EYA2: variants seen among roughly 807,000 people sequenced by gnomAD.
EYA2 encodes EYA transcriptional coactivator and phosphatase 2, also known as protein phosphatase EYA2.
Under a neutral mutation model 69.2 loss-of-function variants are expected in EYA2, and 31 were observed. The ratio of observed to expected loss-of-function variants is 0.45; its 90% CI spans 0.34 to 0.60. The LOEUF is 0.60. EYA2 is among the 20% of genes least tolerant of loss of function. The probability of loss-of-function intolerance (pLI) is 0.02; values close to 1 mark genes in which losing one functional copy is unlikely to be tolerated. For synonymous variants in EYA2, 257 were observed against 279.4 expected, an observed-to-expected ratio of 0.92 and a Z score of 0.80; for missense variants, 622 against 701.2, an observed-to-expected ratio of 0.89 and a Z score of 1.28.
chr20:46,911,905 C>T (rs1426665609), intron 1 of EYA2, among the ~76,000 whole-genome samples: 1 of 152,018 alleles, frequency 6.6e-6, no homozygotes, highest in African/African-American at 2.4e-5. Flanking sequence ...ACAATATGTT[C>T]TATATCAAAA....
chr20:46,998,604 G>C (rs1016220257), intron 2 of EYA2: 3 of 152,202 alleles, frequency 2.0e-5, no homozygotes, highest in African/African-American at 7.2e-5. Flanking sequence ...CCCATCCAAG[G>C]CTCCCAGAGG....
intron 5 of EYA2, among the ~76,000 whole-genome samples, chr20:47,037,923 G>A (rs927581557): frequency 6.6e-5 from 10 of 152,200 alleles, no homozygotes; most frequent in Admixed American, 2.0e-4. Context: ...GTGGGTAGGG[G>A]CATTTGTTCT....
chr20:47,051,070 C>T (rs2030305102), intron 5 of EYA2, among the ~76,000 whole-genome samples: 1 of 152,364 alleles, frequency 6.6e-6, no homozygotes, highest in Middle Eastern at 3.4e-3. Context: ...TATAACATGG[C>T]TTTTTGGACA....
intron 1 of EYA2, among the ~76,000 whole-genome samples, chr20:46,957,576 C>A (rs1048998902): frequency 7.0e-4 from 13 of 18,658 alleles, no homozygotes; most frequent in Non-Finnish European, 2.2e-3. Context: ...CACACACACA[C>A]ACGAAGACAA....
At chr20:47,077,775 G>A (rs755326448) in intron 7 of EYA2, among the ~76,000 whole-genome samples, 1 of 152,188 alleles carries the variant, frequency 6.6e-6, no homozygotes, top group Non-Finnish European at 1.5e-5. Context: ...ATGATGCATA[G>A]TACCTATTTA....
intron 10 of EYA2, among the ~76,000 whole-genome samples, chr20:47,153,552 G>A (rs952463512): frequency 2.6e-5 from 4 of 151,934 alleles, no homozygotes; most frequent in African/African-American, 7.2e-5. Context: ...CTACTTGGGA[G>A]GCTGAGGTAG....
intron 1 of EYA2, among the ~76,000 whole-genome samples, chr20:46,929,400 C>A (rs1985566257): frequency 8.0e-6 from 1 of 125,264 alleles, no homozygotes. Flanking sequence ...GGAGAAAAAG[C>A]TTGTGGACTG....
At chr20:47,006,660 A>G (rs1982734462) in intron 4 of EYA2, among the ~76,000 whole-genome samples, 1 of 152,098 alleles carries the variant, frequency 6.6e-6, no homozygotes, top group African/African-American at 2.4e-5. Flanking sequence ...ACATTGAGTC[A>G]TGTGTGGGGC....
At chr20:46,904,568 G>A (rs1025838570) in intron 1 of EYA2, among the ~76,000 whole-genome samples, 2 of 152,048 alleles carry the variant, frequency 1.3e-5, no homozygotes, top group African/African-American at 4.8e-5. Flanking sequence ...TGAAATGCAT[G>A]TTTCCCCTAA....
intron 5 of EYA2, among the ~76,000 whole-genome samples, chr20:47,034,744 G>T (rs978918730): frequency 2.0e-5 from 3 of 152,210 alleles, no homozygotes; most frequent in Non-Finnish European, 2.9e-5. Context: ...TAAGTTTATT[G>T]TCTCACAGTT....
intron 1 of EYA2, among the ~76,000 whole-genome samples, chr20:46,905,703 G>A (rs1353206064): frequency 6.6e-6 from 1 of 152,176 alleles, no homozygotes; most frequent in Non-Finnish European, 1.5e-5. Context: ...AGAGGGTATG[G>A]GGTCCCCTCT....
chr20:46,990,616 A>G lies in EYA2; in HGVS notation c.109+497A>G, dbSNP rs1981594795. On this transcript the variant is annotated intron_variant, in intron 2 of 15. Transcript: ENST00000327619. ...AAGAATTAAAGTTGTTTAAAAAACT[A>G]TTGGCAAATGATGCAGTCGAACTAG... is the stretch of plus-strand genomic sequence containing the variant. 3.3e-5 allele frequency among the ~76,000 whole-genome samples: 5 copies of G among 152,366 alleles called. No homozygotes were observed. In the South Asian group the frequency reaches 8.3e-4, roughly 25 times the overall value.
chr20:47,065,956 G>A (rs1350270424), intron 5 of EYA2, among the ~76,000 whole-genome samples: 2 of 152,190 alleles, frequency 1.3e-5, no homozygotes, highest in Admixed American at 6.5e-5. Context: ...CTGCCACACG[G>A]TGATATTTGG....
chr20:46,936,616 T>C (rs1189961869), intron 1 of EYA2, among the ~76,000 whole-genome samples: 1 of 152,214 alleles, frequency 6.6e-6, no homozygotes, highest in East Asian at 1.9e-4. Context: ...GGCAGGTGTC[T>C]TTCTCTCAGA....
intron 5 of EYA2, among the ~76,000 whole-genome samples, chr20:47,061,966 T>C (rs1456173465): frequency 6.6e-6 from 1 of 152,160 alleles, no homozygotes; most frequent in Admixed American, 6.5e-5. Context: ...GGATAACTCA[T>C]TTCTGCTGTT....
intron 1 of EYA2, among the ~76,000 whole-genome samples, chr20:46,906,765 G>C (rs1233283518): frequency 6.6e-6 from 1 of 152,102 alleles, no homozygotes; most frequent in African/African-American, 2.4e-5. Context: ...TGGGAGTATG[G>C]TTCTAGAGTT....
At chr20:47,111,071 T>C (rs187125975) in intron 9 of EYA2, among the ~76,000 whole-genome samples, 146 of 152,374 alleles carry the variant, frequency 9.6e-4, no homozygotes, top group Non-Finnish European at 1.7e-3. Context: ...TTCATAGTTT[T>C]AAGGCATTTT....
At chr20:46,977,423 G>A (rs1308694613) in intron 1 of EYA2, among the ~76,000 whole-genome samples, 1 of 152,184 alleles carries the variant, frequency 6.6e-6, no homozygotes, top group East Asian at 1.9e-4. Flanking sequence ...AGTCTGGATA[G>A]CAAATCCCAC....
intron 10 of EYA2, among the ~76,000 whole-genome samples, chr20:47,155,928 G>A (rs1235008695): frequency 1.3e-5 from 2 of 150,264 alleles, no homozygotes; most frequent in Non-Finnish European, 3.0e-5. Flanking sequence ...TGTAATCCCA[G>A]CACTTTGGGA....
Sources: allele counts gnomAD v4.1 joint callset (sites outside exome capture counted in the v4.1 genomes callset), GRCh38; gene constraint gnomAD v4.1.1; transcripts MANE v1.5; gene names NCBI Gene and HGNC (gene_info 2026-07-23, HGNC 2026-07-21).